Variants in IL1RL1 observed in about 807,000 individuals in gnomAD.
IL1RL1 encodes the protein interleukin-1 receptor-like 1.
In IL1RL1, 32 loss-of-function variants were observed where a neutral mutation model predicts 50.9. That is an observed-to-expected ratio of 0.63 (90% CI 0.47 to 0.84). The LOEUF (loss-of-function observed/expected upper bound fraction) is 0.84, where lower values mean the gene tolerates loss of function less well. Among genes scored for constraint, IL1RL1 ranks in the 40% least tolerant of loss-of-function variants. IL1RL1 has a pLI of 0.00. For missense variants in IL1RL1, 773 were observed against 662.9 expected (o/e 1.17, Z -1.82); for synonymous variants, 275 against 236.0 (o/e 1.17, Z -1.51).
chr2:102,313,878 C>T (rs572557614), intron 1 of IL1RL1, among the ~76,000 whole-genome samples: 1 of 152,274 alleles, frequency 6.6e-6, no homozygotes, highest in South Asian at 2.1e-4. Flanking sequence ...CAGTAGGGTC[C>T]TACTACAGGT....
chr2:102,338,501 A>G (rs1677416114), intron 2 of IL1RL1, among the ~76,000 whole-genome samples, 176 bp downstream of exon 2: 1 of 152,186 alleles, frequency 6.6e-6, no homozygotes, highest in African/African-American at 2.4e-5. Flanking sequence ...AATTCTTTGT[A>G]ATGAATATAT....
intron 2 of IL1RL1, 25 bp downstream of exon 2, chr2:102,338,350 T>A (rs1677409051): frequency 7.7e-7 from 1 of 1,306,766 alleles, no homozygotes; most frequent in Non-Finnish European, 1.1e-6. Flanking sequence ...CTAAGTATAA[T>A]TTAAATTTTT....
chr2:102,347,458 T>C (rs1677815504), intron 8 of IL1RL1, among the ~76,000 whole-genome samples: 1 of 152,204 alleles, frequency 6.6e-6, no homozygotes, highest in Non-Finnish European at 1.5e-5. Context: ...TAATCATATC[T>C]TCCACCAATT....
At position 102,352,033 on chromosome 2, in the gene IL1RL1, G is replaced by T. The variant is rs567896404; in HGVS notation, c.*112G>T. ...GAGCAGGAATATTAAAGGGATTCAG[G>T]CCTCAGGTTTCATCTGGTAACTTTC... On this transcript the variant is annotated 3_prime_UTR_variant, in exon 11 of 11. Coordinates refer to ENST00000233954, the MANE Select transcript of IL1RL1 (RefSeq NM_016232.5). 9.9e-6 allele frequency: 11 copies of T among 1,113,020 alleles called. No homozygotes were observed. Among genetic ancestry groups the T allele is most frequent in the Non-Finnish European group, 1.3e-5 (10 of 786,220 alleles). 68.9% of individuals were successfully genotyped at this position (1,113,020 alleles called of 1,614,324 possible).
intron 1 of IL1RL1, among the ~76,000 whole-genome samples, chr2:102,314,965 G>A (rs1676634264): frequency 6.6e-6 from 1 of 152,162 alleles, no homozygotes; most frequent in African/African-American, 2.4e-5. Context: ...GCTCAGAAGA[G>A]CTGTGTGTCC....
rs1386891585 is a variant in IL1RL1 at position 102,349,255 on chromosome 2, A to G, written c.1285+9A>G. The stretch of plus-strand genomic sequence containing the variant: ...TATGCTACCTGGAGAAGGTAAAGCT[A>G]TTGACATACATTAGGGACAGAAATT... On this transcript the variant is annotated intron_variant, in intron 10 of 10. Transcript: ENST00000233954. 3 of 1,609,768 alleles carry G rather than the reference A, an allele frequency of 1.9e-6. No individual in the cohort carries two copies. Among genetic ancestry groups the G allele is most frequent in the Non-Finnish European group, 2.6e-6 (3 of 1,176,220 alleles).
At chr2:102,317,112 T>C (rs1462507969) in intron 1 of IL1RL1, among the ~76,000 whole-genome samples, 1 of 152,192 alleles carries the variant, frequency 6.6e-6, no homozygotes, top group Admixed American at 6.5e-5. Context: ...TCCAGCACTT[T>C]GGGAGGCCGA....
At chr2:102,332,843 A>G (rs77417232) in intron 1 of IL1RL1, among the ~76,000 whole-genome samples, 1,772 of 115,258 alleles carry the variant, frequency 0.015, 34 homozygotes, top group African/African-American at 0.05. Flanking sequence ...AAAAATCAGA[A>G]GCAAAAAAAG....
At chr2:102,312,260 G>T (rs1377997656) in intron 1 of IL1RL1, among the ~76,000 whole-genome samples, 2 of 145,460 alleles carry the variant, frequency 1.4e-5, no homozygotes, top group Admixed American at 1.4e-4. Context: ...GCAAATGAAG[G>T]GCCTATAATA....
chr2:102,350,627 C>A (rs1677901061), intron 10 of IL1RL1, among the ~76,000 whole-genome samples: 1 of 152,256 alleles, frequency 6.6e-6, no homozygotes, highest in African/African-American at 2.4e-5. Context: ...CATCCAGTGG[C>A]CCTGGGTGGC....
At position 102,349,240 on chromosome 2, in the gene IL1RL1, G is replaced by A. The variant is rs767138471; in HGVS notation, c.1279G>A (p.Gly427Arg). The change falls in exon 10 of 11, where the codon GGA (glycine) becomes AGA (arginine). Residue 427 changes from glycine (G) to arginine (R), a missense_variant. Physicochemically the swap from Gly to Arg is moderately radical, Grantham distance 125. Transcript: ENST00000233954. The part of the protein sequence containing the change: ...LCIYGRDMLP[G>R]EDVVTAVETN... Reference sequence around the variant, plus strand: ...CATTTATGGGAGAGATATGCTACCTGGAGAAGGTAAAGCTATTGACATACA... The same window carrying A: ...CATTTATGGGAGAGATATGCTACCTAGAGAAGGTAAAGCTATTGACATACA... 1.9e-6 allele frequency: 3 copies of A among 1,613,104 alleles called. No homozygotes were observed. Among genetic ancestry groups the A allele is most frequent in the Non-Finnish European group, 2.5e-6 (3 of 1,179,262 alleles).
intron 1 of IL1RL1, among the ~76,000 whole-genome samples, chr2:102,330,511 C>A (rs1398717642): frequency 6.6e-6 from 1 of 152,104 alleles, no homozygotes; most frequent in Admixed American, 6.6e-5. Context: ...AGTAGAATCT[C>A]ATTGTGATTT....
chr2:102,344,780 T>A, intron 8 of IL1RL1: 1 of 927,622 alleles, frequency 1.1e-6, no homozygotes, highest in Non-Finnish European at 1.3e-6. Flanking sequence ...CTATAAGTCT[T>A]AATTATACAA....
chr2:102,352,199 C>T (rs189879547), downstream of IL1RL1, among the ~76,000 whole-genome samples: 258 of 149,076 alleles, frequency 1.7e-3, no homozygotes, highest in Middle Eastern at 0.014. Context: ...GTTTTCACTA[C>T]TCTTTTTTCC....
chr2:102,343,118 A>G lies in IL1RL1; in HGVS notation c.765A>G (p.Gly255=), dbSNP rs1190891562. The part of the protein sequence containing the change: ...FLAAVLWQLN[G]TKITDFGEPR... The stretch of plus-strand genomic sequence containing the variant: ...CTGCCGTCCTGTGGCAGCTTAATGG[A>G]ACAAAAATTACAGACTTTGGTGAAC... Residue 255 remains glycine (G), a synonymous_variant, in exon 7 of 11, where the codon GGA becomes GGG. Transcript: ENST00000233954. The G allele has an allele frequency of 1.9e-6, 3 of 1,613,978 alleles. No individual in the cohort carries two copies. The highest frequency in any genetic ancestry group is 2.5e-6 in the Non-Finnish European group (3 of 1,180,008).
At chr2:102,315,941 T>C (rs753508581) in intron 1 of IL1RL1, among the ~76,000 whole-genome samples, 3 of 152,228 alleles carry the variant, frequency 2.0e-5, no homozygotes, top group South Asian at 2.1e-4. Flanking sequence ...AGAGGTCTAA[T>C]GTAAACATGG....
chr2:102,344,478 G>T (rs919282957), intron 8 of IL1RL1: 4 of 424,596 alleles, frequency 9.4e-6, no homozygotes, highest in Middle Eastern at 1.2e-3. Context: ...ATTCCAGGGA[G>T]CCTTTCTTGG....
In IL1RL1 at chr2:102,339,000, A is replaced by G. The variant is rs1559602506; in HGVS notation, c.225A>G (p.Leu75=). 2.5e-6 allele frequency: 4 copies of G among 1,613,940 alleles called. No individual in the cohort carries two copies. The highest frequency in any genetic ancestry group is 3.4e-6 in the Non-Finnish European group (4 of 1,179,878). The change falls in exon 3 of 11, where the codon CTA becomes CTG. Residue 75 remains leucine (L), a synonymous_variant. Transcript: ENST00000233954. ...CCTCAGGCCAACTTCTGAAGTTTCT[A>G]CCAGCTGCAGTTGCTGATTCTGGTA... The part of the protein sequence containing the change: ...VFASGQLLKF[L]PAAVADSGIY...
chr2:102,319,729 T>A (rs1460197177), intron 1 of IL1RL1, among the ~76,000 whole-genome samples: 1 of 152,170 alleles, frequency 6.6e-6, no homozygotes, highest in African/African-American at 2.4e-5. Context: ...CATTCTGTCA[T>A]CCAGGCTGTA....
Sources: allele counts gnomAD v4.1 joint callset (sites outside exome capture counted in the v4.1 genomes callset), GRCh38; gene constraint gnomAD v4.1.1; transcripts MANE v1.5; gene names NCBI Gene and HGNC (gene_info 2026-07-23, HGNC 2026-07-21).